KIF16B: variants seen among roughly 807,000 people sequenced by gnomAD.
KIF16B encodes kinesin-like protein KIF16B.
A neutral mutation model predicts 156.3 loss-of-function variants in KIF16B; 98 were observed. The observed-to-expected ratio is 0.63, with a 90% CI of 0.53 to 0.74. The LOEUF (loss-of-function observed/expected upper bound fraction) is 0.74. KIF16B is among the 30% of genes least tolerant of loss of function. KIF16B has a pLI of 0.00. For synonymous variants in KIF16B, 564 were observed against 583.7 expected (o/e 0.97, Z 0.49); for missense variants, 1,421 against 1,606.5 (o/e 0.88, Z 1.97).
intron 12 of KIF16B, among the ~76,000 whole-genome samples, chr20:16,437,281 C>T (rs2066666594): frequency 6.6e-6 from 1 of 152,142 alleles, no homozygotes; most frequent in Admixed American, 6.5e-5. Flanking sequence ...GATGCAGAAC[C>T]TGCACATATG....
intron 12 of KIF16B, among the ~76,000 whole-genome samples, chr20:16,488,369 G>C (rs1234891239): frequency 3.3e-5 from 5 of 152,204 alleles, no homozygotes; most frequent in Non-Finnish European, 5.9e-5. Flanking sequence ...AGAGCTCAAG[G>C]AGTTATTTGG....
intron 12 of KIF16B, among the ~76,000 whole-genome samples, chr20:16,447,622 T>A (rs1402970781): frequency 2.6e-5 from 4 of 151,918 alleles, no homozygotes; most frequent in Non-Finnish European, 5.9e-5. Context: ...AAAAAAAAAT[T>A]AATTGAAAAA....
At chr20:16,296,867 C>A (rs2122549233) in intron 25 of KIF16B, among the ~76,000 whole-genome samples, 1 of 152,330 alleles carries the variant, frequency 6.6e-6, no homozygotes, top group African/African-American at 2.4e-5. Context: ...ATGTTTGAAT[C>A]AGTAGAACGA....
At chr20:16,541,753 C>A (rs1291662723) in intron 1 of KIF16B, among the ~76,000 whole-genome samples, 2 of 152,176 alleles carry the variant, frequency 1.3e-5, no homozygotes, top group African/African-American at 2.4e-5. Context: ...TGAGGCAGGC[C>A]CAGGCAGAGG....
intron 24 of KIF16B, among the ~76,000 whole-genome samples, chr20:16,327,093 A>ACACC (rs1450875432): frequency 1.4e-5 from 2 of 145,846 alleles, no homozygotes; most frequent in Non-Finnish European, 3.0e-5. Flanking sequence ...ACACACACAC[A>ACACC]CACACACACC....
intron 24 of KIF16B, among the ~76,000 whole-genome samples, chr20:16,315,129 G>A (rs1177451543): frequency 1.3e-5 from 2 of 152,122 alleles, no homozygotes; most frequent in Admixed American, 6.6e-5. Context: ...CAGTGGAAGC[G>A]GGGAGGGAGC....
chr20:16,384,643 G>C (rs2065185108), intron 17 of KIF16B, among the ~76,000 whole-genome samples: 1 of 152,104 alleles, frequency 6.6e-6, no homozygotes, highest in African/African-American at 2.4e-5. Flanking sequence ...AGATGGGTGG[G>C]GGAGCAATAT....
intron 14 of KIF16B, among the ~76,000 whole-genome samples, chr20:16,428,352 G>A (rs1401327921): frequency 2.6e-5 from 4 of 151,998 alleles, no homozygotes; most frequent in Non-Finnish European, 5.9e-5. Context: ...TCCCTATCTT[G>A]CCACACACAT....
intron 12 of KIF16B, among the ~76,000 whole-genome samples, chr20:16,475,172 C>G (rs1335670231): frequency 2.0e-5 from 3 of 152,180 alleles, no homozygotes; most frequent in Non-Finnish European, 4.4e-5. Context: ...TAAAAGTTCC[C>G]ATAGAGTGCC....
chr20:16,326,794 G>A (rs6080229), intron 24 of KIF16B, among the ~76,000 whole-genome samples: 109,365 of 151,722 alleles, frequency 0.72, 40,395 homozygotes, highest in East Asian at 0.96. Context: ...AAGTAGATCT[G>A]CCATTTGATC....
intron 12 of KIF16B, among the ~76,000 whole-genome samples, chr20:16,438,023 T>C (rs2066695304): frequency 6.6e-6 from 1 of 150,776 alleles, no homozygotes. Context: ...GGCGTGCACC[T>C]GTAGTCCTAG....
chr20:16,342,348 A>G (rs1158465683), intron 23 of KIF16B, among the ~76,000 whole-genome samples: 1 of 152,148 alleles, frequency 6.6e-6, no homozygotes, highest in Non-Finnish European at 1.5e-5. Flanking sequence ...GCAGAGATAC[A>G]CATTTACTGA....
intron 22 of KIF16B, among the ~76,000 whole-genome samples, chr20:16,359,447 A>C (rs1406748656): frequency 2.6e-5 from 4 of 152,150 alleles, no homozygotes; most frequent in African/African-American, 9.7e-5. Flanking sequence ...CAGAATAAGA[A>C]GCCAGTGCTA....
intron 24 of KIF16B, among the ~76,000 whole-genome samples, chr20:16,324,853 G>A (rs1212467306): frequency 6.6e-6 from 1 of 151,926 alleles, no homozygotes; most frequent in Non-Finnish European, 1.5e-5. Context: ...AACTAAAAAA[G>A]AAAACTACAG....
chr20:16,529,742 G>A (rs568928199), intron 1 of KIF16B, among the ~76,000 whole-genome samples: 27 of 152,158 alleles, frequency 1.8e-4, no homozygotes, highest in African/African-American at 6.3e-4. Context: ...ACCTGAGGTC[G>A]GGAGTTCAAG....
In KIF16B at chr20:16,379,935, T is replaced by A. The variant is rs988127736; in HGVS notation, c.2067A>T (p.Glu689Asp). The change falls in exon 19 of 26, where the codon GAA (glutamate) becomes GAT (aspartate). Residue 689 changes from glutamate to aspartate, a missense_variant. Physicochemically the swap from Glu to Asp is conservative, Grantham distance 45. Transcript: ENST00000354981. The part of the protein sequence containing the change: ...FEEERLREQQ[E>D]IELQKKRQEE... ...CTTGTCTCTTCTTCTGCAGCTCGAT[T>A]TCCTGCTGTTCCCTCAGCCTCTCCT... 1.2e-6 allele frequency: 2 copies of A among 1,614,204 alleles called. No homozygotes were observed. Among genetic ancestry groups the A allele is most frequent in the Non-Finnish European group, 1.7e-6 (2 of 1,180,036 alleles).
intron 24 of KIF16B, among the ~76,000 whole-genome samples, chr20:16,318,626 T>G (rs564544292): frequency 6.6e-6 from 1 of 151,874 alleles, no homozygotes; most frequent in Admixed American, 6.5e-5. Flanking sequence ...AAAAGAAAAT[T>G]AAAAAGTATT....
At chr20:16,469,308 T>C (rs1284947738) in intron 12 of KIF16B, among the ~76,000 whole-genome samples, 1 of 134,048 alleles carries the variant, frequency 7.5e-6, no homozygotes, top group Non-Finnish European at 1.6e-5. Context: ...ACGATAGAAT[T>C]AAACTAGAAA....
At chr20:16,451,544 A>AAACC (rs2067081056) in intron 12 of KIF16B, among the ~76,000 whole-genome samples, 1 of 151,600 alleles carries the variant, frequency 6.6e-6, no homozygotes, top group Non-Finnish European at 1.5e-5. Context: ...AAAAAAAAAA[A>AAACC]ACCACCACCA....
Sources: allele counts gnomAD v4.1 joint callset (sites outside exome capture counted in the v4.1 genomes callset), GRCh38; gene constraint gnomAD v4.1.1; transcripts MANE v1.5; gene names NCBI Gene and HGNC (gene_info 2026-07-23, HGNC 2026-07-21).